Variants in CLPB observed in about 807,000 individuals in gnomAD.
CLPB encodes the protein ClpB family mitochondrial disaggregase.
Under a neutral mutation model 78.4 loss-of-function variants are expected in CLPB, and 40 were observed. The ratio of observed to expected loss-of-function variants is 0.51; its 90% confidence interval spans 0.40 to 0.66. The LOEUF is 0.66. CLPB is among the 30% of genes least tolerant of loss of function. The pLI is 0.00. For missense variants in CLPB, 780 were observed against 886.9 expected, an observed-to-expected ratio of 0.88 and a Z score of 1.53; for synonymous variants, 333 against 348.0, an observed-to-expected ratio of 0.96 and a Z score of 0.48.
At chr11:72,378,824 A>G (rs1261910244) in intron 4 of CLPB, among the ~76,000 whole-genome samples, 2 of 152,212 alleles carry the variant, frequency 1.3e-5, no homozygotes, top group South Asian at 2.1e-4. Context: ...TGGCCTGCAC[A>G]TGAGGAGGAG....
At chr11:72,420,169 CTT>C (rs1399568178) in intron 2 of CLPB, among the ~76,000 whole-genome samples, 1 of 152,122 alleles carries the variant, frequency 6.6e-6, no homozygotes, top group East Asian at 1.9e-4. Flanking sequence ...ATGATGAGAT[CTT>C]GTCTCAATTA....
At position 72,301,817 on chromosome 11, in the gene CLPB, G is replaced by GC. The variant is rs1326943574; in HGVS notation, c.1314dup (p.Gln439AlafsTer4). The GC allele has an allele frequency of 2.5e-6, 4 of 1,614,090 alleles. No individual in the cohort carries two copies. The East Asian group carries it at 8.9e-5, about 36-fold the overall frequency. Reference sequence around the variant, plus strand: ...AGGTGACTCACCTCATCAAACAGCTGCAGCATGATGGTGAGCACATCTGGA... The same window carrying GC: ...AGGTGACTCACCTCATCAAACAGCTGCCAGCATGATGGTGAGCACATCTGGA... On this transcript the variant is annotated frameshift_variant, in exon 11 of 16. Coordinates refer to ENST00000538039, the MANE Select transcript of CLPB (RefSeq NM_001258392.3). LOFTEE classifies it high-confidence loss of function.
At chr11:72,317,011 T>G in intron 7 of CLPB, 95 bp downstream of exon 7, 1 of 754,306 alleles carries the variant, frequency 1.3e-6, no homozygotes, top group Non-Finnish European at 2.1e-6. Context: ...ATGCTAATTT[T>G]TAATATTATT....
At chr11:72,326,837 GC>G (rs78472233) in intron 6 of CLPB, among the ~76,000 whole-genome samples, 13,493 of 152,250 alleles carry the variant, frequency 0.089, 1,096 homozygotes, top group African/African-American at 0.21. Flanking sequence ...TGAAGAGGAA[GC>G]TTTTTGCAGT....
At chr11:72,341,878 A>G (rs551757335) in intron 5 of CLPB, among the ~76,000 whole-genome samples, 11 of 152,244 alleles carry the variant, frequency 7.2e-5, no homozygotes, top group Non-Finnish European at 1.6e-4. Flanking sequence ...CAGGAAAGTG[A>G]CATGGTTTTG....
intron 4 of CLPB, chr11:72,373,111 C>A: frequency 9.9e-7 from 1 of 1,009,660 alleles, no homozygotes; most frequent in East Asian, 2.5e-5. Context: ...GGGGTTGTTC[C>A]AAGCCCTCTA....
intron 5 of CLPB, among the ~76,000 whole-genome samples, chr11:72,356,285 A>C (rs554135987): frequency 2.0e-5 from 3 of 151,012 alleles, no homozygotes; most frequent in African/African-American, 7.3e-5. Flanking sequence ...TCTCAATTAA[A>C]AAAAAAAAAA....
intron 6 of CLPB, among the ~76,000 whole-genome samples, chr11:72,318,638 T>C (rs1265689300): frequency 2.0e-5 from 3 of 152,208 alleles, no homozygotes; most frequent in Admixed American, 6.5e-5. Context: ...GCTTGGGCAG[T>C]GTTTTCCTGT....
At position 72,307,194 on chromosome 11, in the gene CLPB, C is replaced by G. The variant is rs1358246827; in HGVS notation, c.1122+5G>C. The G allele has an allele frequency of 6.2e-7, 1 of 1,613,928 alleles. No homozygotes were observed. Among genetic ancestry groups the G allele is most frequent in the South Asian group, 1.1e-5 (1 of 91,064 alleles). On this transcript the variant is annotated splice_donor_5th_base_variant and intron_variant, in intron 9 of 15. Coordinates refer to ENST00000538039, the MANE Select transcript of CLPB (RefSeq NM_001258392.3). ...TGCAGATCAGACCTAGGTCCCAGTTCTTACCTTTTTAGCATCTTTGTGCAT... is the reference window on the plus strand; with the variant it reads ...TGCAGATCAGACCTAGGTCCCAGTTGTTACCTTTTTAGCATCTTTGTGCAT...
intron 3 of CLPB, among the ~76,000 whole-genome samples, chr11:72,384,162 A>G (rs556743113): frequency 2.8e-4 from 43 of 152,292 alleles, no homozygotes; most frequent in South Asian, 2.5e-3. Flanking sequence ...CAAAACAAAC[A>G]AACAAAACAC....
At chr11:72,308,704 C>A in intron 7 of CLPB, 100 bp from the exon 8 acceptor site, 1 of 1,062,454 alleles carries the variant, frequency 9.4e-7, no homozygotes, top group Non-Finnish European at 1.4e-6. Flanking sequence ...ATATGTTTTA[C>A]TGCTCTGCGC....
chr11:72,376,437 C>T (rs933275752), intron 4 of CLPB, among the ~76,000 whole-genome samples: 2 of 151,820 alleles, frequency 1.3e-5, no homozygotes, highest in African/African-American at 4.8e-5. Context: ...TATCACTATC[C>T]AGGTCCAAGT....
At position 72,290,157 on chromosome 11, in the gene CLPB, A is replaced by C. The variant is rs2135478935; in HGVS notation, c.*3210T>G. 6.6e-6 allele frequency: 1 copy of C among 152,276 alleles called. No homozygotes were observed. The highest frequency in any genetic ancestry group is 1.9e-4 in the East Asian group (1 of 5,188). 9.4% of individuals were successfully genotyped at this position (152,276 alleles called of 1,614,324 possible). A position where few individuals can be genotyped will look rare whatever the true frequency, so the allele number is the denominator to read the frequency against. Reference sequence around the variant, plus strand: ...GACTGATGCCAGGGCTGAGATAGGGAAAATGTGAGGAAGCCTGAAACATCT... The same window carrying C: ...GACTGATGCCAGGGCTGAGATAGGGCAAATGTGAGGAAGCCTGAAACATCT... On this transcript the variant is annotated 3_prime_UTR_variant, in exon 16 of 16. Transcript: ENST00000538039.
At chr11:72,416,263 A>G (rs1233376929) in intron 2 of CLPB, among the ~76,000 whole-genome samples, 2 of 152,184 alleles carry the variant, frequency 1.3e-5, no homozygotes, top group Non-Finnish European at 1.5e-5. Flanking sequence ...AATACGACCT[A>G]TCTCCAGACC....
intron 5 of CLPB, among the ~76,000 whole-genome samples, chr11:72,350,019 G>A (rs879522335): frequency 2.6e-5 from 4 of 152,276 alleles, no homozygotes; most frequent in Non-Finnish European, 5.9e-5. Context: ...TGGATGGCAA[G>A]TGGCTCTGGA....
intron 6 of CLPB, among the ~76,000 whole-genome samples, chr11:72,319,796 A>T (rs1950012478): frequency 6.6e-6 from 1 of 152,240 alleles, no homozygotes; most frequent in Non-Finnish European, 1.5e-5. Flanking sequence ...CCTTCTACCT[A>T]ACCCTTATTA....
At chr11:72,357,815 A>C (rs894526211) in intron 5 of CLPB, among the ~76,000 whole-genome samples, 2 of 151,868 alleles carry the variant, frequency 1.3e-5, no homozygotes, top group African/African-American at 4.8e-5. Context: ...GTTCTGCTGG[A>C]AGAGAGGCAG....
intron 2 of CLPB, among the ~76,000 whole-genome samples, chr11:72,414,257 A>G (rs1855957529): frequency 1.3e-5 from 2 of 152,176 alleles, no homozygotes; most frequent in Non-Finnish European, 2.9e-5. Flanking sequence ...AGAGCTATTA[A>G]TATATGCATT....
intron 2 of CLPB, chr11:72,411,661 C>T (rs1855878955): frequency 6.6e-6 from 1 of 152,068 alleles, no homozygotes; most frequent in African/African-American, 2.4e-5. Context: ...GAAAGGGACA[C>T]AGGGGCAGCT....
Sources: gnomAD v4.1 joint callset for allele counts (sites outside exome capture counted in the v4.1 genomes callset) on GRCh38, gnomAD v4.1.1 for gene constraint, MANE v1.5 for transcripts, NCBI Gene and HGNC (gene_info 2026-07-23, HGNC 2026-07-21) for gene names.